The following ABCA6 variants were observed in gnomAD, a reference collection of about 807,000 sequenced individuals.
ABCA6 encodes ATP binding cassette subfamily A member 6.
Under a neutral mutation model 191.2 loss-of-function variants are expected in ABCA6, and 164 were observed. The ratio of observed to expected loss-of-function variants is 0.86; its 90% CI spans 0.76 to 0.98. ABCA6 has a LOEUF of 0.98. Ranked by LOEUF, ABCA6 falls within the 50% of genes least tolerant of loss-of-function variation. ABCA6 has a pLI of 0.00. For missense variants in ABCA6, 1,958 were observed against 1,894.1 expected, an observed-to-expected ratio of 1.03 and a Z score of -0.63; for synonymous variants, 636 against 647.7, an observed-to-expected ratio of 0.98 and a Z score of 0.27.
chr17:69,083,369 C>A, intron 34 of ABCA6, 38 bp from the exon 35 acceptor site: 1 of 1,527,094 alleles, frequency 6.5e-7, no homozygotes, highest in South Asian at 1.3e-5. Flanking sequence ...TTTAAAATAA[C>A]TAAGTGCAGA....
Position 69,091,125 on chromosome 17 carries a change from G to A in ABCA6, c.3528+18C>T. On this transcript the variant is annotated intron_variant, in intron 26 of 38. Transcript: ENST00000284425. The stretch of plus-strand genomic sequence containing the variant: ...CTACATATTCAAAATTAATGACACA[G>A]TTGGTAACATTTCTTACCACTTCCA... 6.3e-7 allele frequency: 1 copy of A among 1,599,496 alleles called. No homozygotes were observed. The highest frequency in any genetic ancestry group is 8.5e-7 in the Non-Finnish European group (1 of 1,175,060).
chr17:69,087,681 G>T, intron 28 of ABCA6: 1 of 608,726 alleles, frequency 1.6e-6, no homozygotes. Context: ...CCATTCTTCT[G>T]GTAAGAATCT....
rs780212090 is a variant in ABCA6, at chr17:69,096,331, G to A, written c.3317C>T (p.Ala1106Val). ...ATATATGAAGAAGACAAGAGAAGCT[G>A]CATAACCAGGAGTAACTATAACCTG... Reference protein sequence around the residue: ...FALVIVTPGYAASLVFFIYMI... With the variant: ...FALVIVTPGYVASLVFFIYMI... The change falls in exon 25 of 39, where the codon GCA becomes GTA. Residue 1106 changes from alanine (A) to valine (V), a missense_variant. Coordinates refer to ENST00000284425, the MANE Select transcript of ABCA6 (RefSeq NM_080284.3). 1.3e-6 allele frequency: 2 copies of A among 1,498,152 alleles called. No homozygotes were observed. Among genetic ancestry groups the A allele is most frequent in the South Asian group, 1.4e-5 (1 of 71,662 alleles). 92.8% of individuals were successfully genotyped at this position (1,498,152 alleles called of 1,614,324 possible).
chr17:69,089,067 G>C (rs530974401), intron 27 of ABCA6, among the ~76,000 whole-genome samples: 1 of 152,242 alleles, frequency 6.6e-6, no homozygotes, highest in South Asian at 2.1e-4. Context: ...CTGACACATA[G>C]GATTCAAAGA....
At chr17:69,087,673 A>C in intron 28 of ABCA6, 200 bp from the exon 29 acceptor site, 1 of 629,642 alleles carries the variant, frequency 1.6e-6, no homozygotes, top group Non-Finnish European at 2.7e-6. Flanking sequence ...TGTTGTTGCC[A>C]TTCTTCTGGT....
chr17:69,136,015 T>G, intron 4 of ABCA6, 77 bp downstream of exon 4: 2 of 1,369,810 alleles, frequency 1.5e-6, no homozygotes, highest in Non-Finnish European at 2.0e-6. Context: ...TGAAAGCATC[T>G]CTGTTGCCCA....
chr17:69,089,579 T>C (rs771297183), intron 26 of ABCA6, 37 bp from the exon 27 acceptor site: 1 of 1,469,626 alleles, frequency 6.8e-7, no homozygotes, highest in Non-Finnish European at 9.5e-7. Context: ...ACACTAATGA[T>C]AATTCATCTG....
chr17:69,098,101 C>T (rs2073091182), intron 22 of ABCA6, 74 bp from the exon 23 acceptor site: 10 of 1,131,984 alleles, frequency 8.8e-6, no homozygotes, highest in Middle Eastern at 4.1e-4. Context: ...CACAAAAATG[C>T]ACTTTTTGAA....
rs749295789 is a variant in ABCA6, at chr17:69,086,615, G to A, written c.3937+3C>T. ...GTAAGTTTTAAAAGGGATTATTACA[G>A]ACCTTCTTGAACACAGAAAGAGATA... On this transcript the variant is annotated splice_donor_region_variant and intron_variant, in intron 30 of 38. Transcript: ENST00000284425. 2 of 1,596,276 alleles carry A rather than the reference G, an allele frequency of 1.3e-6. No homozygotes were observed. The highest frequency in any genetic ancestry group is 1.3e-5 in the African/African-American group (1 of 74,410).
intron 16 of ABCA6, 89 bp from the exon 17 acceptor site, chr17:69,111,029 C>T (rs1282790638): frequency 1.6e-6 from 2 of 1,268,010 alleles, no homozygotes; most frequent in African/African-American, 1.5e-5. Flanking sequence ...AGCTGTTGAG[C>T]ACAACTTTAC....
At chr17:69,130,835 T>C (rs1285878890) in intron 6 of ABCA6, among the ~76,000 whole-genome samples, 1 of 152,220 alleles carries the variant, frequency 6.6e-6, no homozygotes, top group African/African-American at 2.4e-5. Flanking sequence ...GTCTCTTTCG[T>C]AGTAGAAAAT....
chr17:69,137,176 TTTTAG>T (rs1311352444), intron 3 of ABCA6, 115 bp downstream of exon 3: 4 of 923,326 alleles, frequency 4.3e-6, no homozygotes, highest in Middle Eastern at 7.0e-4. Flanking sequence ...TTGTATGCTA[TTTTAG>T]TACTTAAGTT....
At position 69,096,802 on chromosome 17, in the gene ABCA6, C is replaced by CATTTTAATTCTCCTTTTAATGTATT; in HGVS notation, c.3121-2_3121-1insAATACATTAAAAGGAGAATTAAAAT. ...TCCATAGCTGGGACTTAGCATTTTTCTGATTAAAAAAAAAAAGAAAGAAAG... is the reference window on the plus strand; with the variant it reads ...TCCATAGCTGGGACTTAGCATTTTTCATTTTAATTCTCCTTTTAATGTATTTGATTAAAAAAAAAAAGAAAGAAAG... On this transcript the variant is annotated splice_acceptor_variant, in intron 23 of 38. Transcript: ENST00000284425. LOFTEE classifies it high-confidence loss of function. 6.6e-7 allele frequency: 1 copy of CATTTTAATTCTCCTTTTAATGTATT among 1,507,888 alleles called. No individual in the cohort carries two copies. The allele number at this position is 1,507,888 out of a possible 1,614,324, so 93.4% of individuals were successfully genotyped here.
intron 4 of ABCA6, among the ~76,000 whole-genome samples, chr17:69,135,041 T>C (rs1239816093): frequency 1.3e-5 from 2 of 151,868 alleles, no homozygotes; most frequent in Non-Finnish European, 2.9e-5. Flanking sequence ...CCACGTTGTC[T>C]AGCTAATTTT....
intron 28 of ABCA6, 83 bp from the exon 29 acceptor site, chr17:69,087,556 T>A (rs576596553): frequency 5.6e-5 from 86 of 1,538,392 alleles, no homozygotes; most frequent in Non-Finnish European, 7.4e-5. Context: ...GTGATTTTAC[T>A]ACTGTCCTCT....
chr17:69,110,368 G>C (rs2073398821), intron 17 of ABCA6: 1 of 166,250 alleles, frequency 6.0e-6, no homozygotes, highest in Non-Finnish European at 1.3e-5. Context: ...CTAAGCTCAT[G>C]TTCAGAGTAA....
At chr17:69,137,815 A>G (rs181702537) in intron 2 of ABCA6, among the ~76,000 whole-genome samples, 41 of 152,320 alleles carry the variant, frequency 2.7e-4, no homozygotes, top group African/African-American at 2.4e-5. Flanking sequence ...TATAGAATTT[A>G]TAAGACATGG....
At chr17:69,112,914 C>G (rs2073455694) in intron 15 of ABCA6, 1 of 194,966 alleles carries the variant, frequency 5.1e-6, no homozygotes, top group Admixed American at 6.0e-5. Flanking sequence ...ACTGTATACT[C>G]TGATGCTAAA....
At position 69,134,737 on chromosome 17, in the gene ABCA6, A is replaced by C; in HGVS notation, c.466T>G (p.Cys156Gly). Residue 156 changes from cysteine to glycine, a missense_variant, in exon 5 of 39, where the codon TGC becomes GGC. Coordinates refer to ENST00000284425, the MANE Select transcript of ABCA6 (RefSeq NM_080284.3). ...GAAAACTCACCATATCCATCCCAGCAATGAGCTGTAAGCACAAAGAAAAGC... is the reference window on the plus strand; with the variant it reads ...GAAAACTCACCATATCCATCCCAGCCATGAGCTGTAAGCACAAAGAAAAGC... ...PLWKEDFSAH[C>G]WDGYGEFSCT... 6.2e-7 allele frequency: 1 copy of C among 1,610,442 alleles called. No individual in the cohort carries two copies. Among genetic ancestry groups the C allele is most frequent in the Non-Finnish European group, 8.5e-7 (1 of 1,177,176 alleles).
Sources: allele counts gnomAD v4.1 joint callset (sites outside exome capture counted in the v4.1 genomes callset), GRCh38; gene constraint gnomAD v4.1.1; transcripts MANE v1.5; gene names NCBI Gene and HGNC (gene_info 2026-07-23, HGNC 2026-07-21).